The following ASIC2 variants were observed in gnomAD, a reference collection of about 807,000 sequenced individuals.
The protein encoded by ASIC2 is acid sensing ion channel subunit 2.
ASIC2 carries 25 observed loss-of-function variants against 57.3 expected under a neutral mutation model. That is an observed-to-expected ratio of 0.44 (90% CI 0.32 to 0.61). ASIC2 has a LOEUF of 0.61. Among genes scored for constraint, ASIC2 ranks in the 20% least tolerant of loss-of-function variants. The probability of loss-of-function intolerance (pLI) is 0.06; values close to 1 mark genes in which losing one functional copy is unlikely to be tolerated. For missense variants in ASIC2, 641 were observed against 738.1 expected (o/e 0.87, Z 1.52); for synonymous variants, 319 against 307.5 (o/e 1.04, Z -0.39).
chr17:33,150,741 T>C (rs1206126344), intron 1 of ASIC2, among the ~76,000 whole-genome samples: 1 of 86,438 alleles, frequency 1.2e-5, no homozygotes, highest in Non-Finnish European at 2.3e-5. Context: ...TCCCAGCTAC[T>C]TGGGAGGCTG....
At chr17:33,577,389 G>A (rs191385134) in intron 1 of ASIC2, among the ~76,000 whole-genome samples, 1 of 152,160 alleles carries the variant, frequency 6.6e-6, no homozygotes, top group African/African-American at 2.4e-5. Flanking sequence ...ATCTCCAGGG[G>A]AGAGGTGTAA....
chr17:33,341,772 A>G (rs1907729300), intron 1 of ASIC2, among the ~76,000 whole-genome samples: 1 of 152,182 alleles, frequency 6.6e-6, no homozygotes, highest in Non-Finnish European at 1.5e-5. Context: ...TGGGTTGTGG[A>G]TACACAGTTG....
chr17:33,249,083 A>G (rs915101732), intron 1 of ASIC2, among the ~76,000 whole-genome samples: 1 of 152,116 alleles, frequency 6.6e-6, no homozygotes, highest in Non-Finnish European at 1.5e-5. Context: ...TTCTCAACAT[A>G]TTTGAAAGGT....
intron 1 of ASIC2, among the ~76,000 whole-genome samples, chr17:33,643,705 A>G (rs973695683): frequency 1.3e-5 from 2 of 152,202 alleles, no homozygotes; most frequent in Non-Finnish European, 2.9e-5. Context: ...AAAAATTATT[A>G]GTGTCTTAGT....
chr17:33,226,349 G>A (rs1907879954), intron 1 of ASIC2, among the ~76,000 whole-genome samples: 2 of 152,336 alleles, frequency 1.3e-5, no homozygotes, highest in South Asian at 2.1e-4. Context: ...AGGCAAGAAA[G>A]TCTTAGAAAG....
At chr17:33,112,180 T>A in intron 1 of ASIC2, 113 bp from the exon 2 acceptor site, 1 of 1,258,492 alleles carries the variant, frequency 7.9e-7, no homozygotes, top group Non-Finnish European at 1.1e-6. Context: ...CCACAGCCCA[T>A]CACCATCACC....
chr17:33,180,641 G>C (rs1354013111), intron 1 of ASIC2, among the ~76,000 whole-genome samples: 1 of 152,198 alleles, frequency 6.6e-6, no homozygotes, highest in Admixed American at 6.5e-5. Flanking sequence ...GGGACTTGGG[G>C]ATGCTGACTT....
At chr17:33,387,046 C>T (rs575366318) in intron 1 of ASIC2, among the ~76,000 whole-genome samples, 5 of 152,158 alleles carry the variant, frequency 3.3e-5, no homozygotes, top group Admixed American at 2.6e-4. Flanking sequence ...TGCCACCAAG[C>T]CCGGCTAATT....
intron 1 of ASIC2, among the ~76,000 whole-genome samples, chr17:33,364,056 G>A (rs1048507724): frequency 6.6e-6 from 1 of 152,152 alleles, no homozygotes; most frequent in Non-Finnish European, 1.5e-5. Context: ...TGATGTGTGG[G>A]GAAACTGAGG....
intron 1 of ASIC2, among the ~76,000 whole-genome samples, chr17:34,099,923 G>A (rs1433044519): frequency 6.6e-6 from 1 of 152,142 alleles, no homozygotes; most frequent in Non-Finnish European, 1.5e-5. Context: ...CAAATCACAG[G>A]GACATGCCTA....
chr17:34,035,075 A>G (rs1907812802), intron 1 of ASIC2, among the ~76,000 whole-genome samples: 1 of 150,950 alleles, frequency 6.6e-6, no homozygotes, highest in Admixed American at 6.6e-5. Flanking sequence ...AGCCAAAAGA[A>G]AGCTGGAGGC....
At chr17:33,738,821 G>A (rs1910007838) in intron 1 of ASIC2, among the ~76,000 whole-genome samples, 1 of 152,166 alleles carries the variant, frequency 6.6e-6, no homozygotes, top group Non-Finnish European at 1.5e-5. Context: ...GTCTTTGTGT[G>A]GCTTAGGTGG....
At chr17:33,034,767 T>C (rs777394236) in intron 3 of ASIC2, among the ~76,000 whole-genome samples, 10 of 152,248 alleles carry the variant, frequency 6.6e-5, no homozygotes, top group Non-Finnish European at 1.2e-4. Context: ...TCTCGGTCTT[T>C]GCTTCTCAGG....
rs565372363 is a variant in ASIC2, at chr17:33,460,929, C to T, written c.556-348862G>A. On this transcript the variant is annotated intron_variant, in intron 1 of 9. Coordinates refer to the ASIC2 transcript ENST00000359872. The stretch of plus-strand genomic sequence containing the variant: ...CAGAAACAGAGCCAATGACTCTTCC[C>T]ACTGGGAACTATCAACCATCCAGCC... 2.6e-5 allele frequency among the ~76,000 whole-genome samples: 4 copies of T among 152,332 alleles called. No individual in the cohort carries two copies. The South Asian group carries it at 8.3e-4, about 32-fold the overall frequency.
At chr17:33,531,795 C>G (rs16968519) in intron 1 of ASIC2, among the ~76,000 whole-genome samples, 86,672 of 151,920 alleles carry the variant, frequency 0.57, 26,330 homozygotes, top group Non-Finnish European at 0.67. Flanking sequence ...TCTCAAGTTT[C>G]TGATGGTGAG....
At chr17:33,299,783 A>T (rs1050949847) in intron 1 of ASIC2, among the ~76,000 whole-genome samples, 8 of 152,206 alleles carry the variant, frequency 5.3e-5, no homozygotes, top group Admixed American at 5.2e-4. Flanking sequence ...TAGGAAGCTC[A>T]TGCTCCACAG....
At chr17:33,602,508 G>T (rs769237188) in intron 1 of ASIC2, among the ~76,000 whole-genome samples, 1 of 152,060 alleles carries the variant, frequency 6.6e-6, no homozygotes, top group African/African-American at 2.4e-5. Flanking sequence ...CCTCAATCTT[G>T]GACTTTCCAG....
intron 1 of ASIC2, among the ~76,000 whole-genome samples, chr17:33,673,888 C>T (rs1253969351): frequency 6.7e-6 from 1 of 149,262 alleles, no homozygotes; most frequent in Non-Finnish European, 1.5e-5. Flanking sequence ...AAGGTCTGTG[C>T]ATCCGTGTCT....
Position 33,640,691 on chromosome 17 carries a change from A to G in ASIC2, c.555+515287T>C, listed in dbSNP as rs144129090. Reference sequence around the variant, plus strand: ...GGGTTTACAGTAGAAATGCGTGTCAATGTTAGTTATTTAGGAACCTGCGTG... The same window carrying G: ...GGGTTTACAGTAGAAATGCGTGTCAGTGTTAGTTATTTAGGAACCTGCGTG... On this transcript the variant is annotated intron_variant, in intron 1 of 9. Transcript: ENST00000359872. Among the ~76,000 whole-genome samples the G allele has an allele frequency of 4.7e-3, 715 of 152,326 alleles. 4 individuals carry two copies. Among genetic ancestry groups the G allele is most frequent in the African/African-American group, 0.017 (693 of 41,562 alleles).
Sources: gnomAD v4.1 joint callset for allele counts (sites outside exome capture counted in the v4.1 genomes callset) on GRCh38, gnomAD v4.1.1 for gene constraint, MANE v1.5 for transcripts, NCBI Gene and HGNC (gene_info 2026-07-23, HGNC 2026-07-21) for gene names.